PTPRE: variants seen among roughly 807,000 people sequenced by gnomAD.
The protein encoded by PTPRE is receptor-type tyrosine-protein phosphatase epsilon.
Under a neutral mutation model 102.0 loss-of-function variants are expected in PTPRE, and 51 were observed. The observed-to-expected ratio is 0.50, with a 90% confidence interval of 0.40 to 0.63. The LOEUF is 0.63. Among genes scored for constraint, PTPRE ranks in the 30% least tolerant of loss-of-function variants. The pLI, the probability that PTPRE is intolerant of heterozygous loss-of-function variation, is 0.00. For synonymous variants in PTPRE, 345 were observed against 348.2 expected (o/e 0.99, Z 0.10); for missense variants, 752 against 915.1 (o/e 0.82, Z 2.30).
chr10:127,960,167 G>A (rs1027364450), intron 1 of PTPRE, among the ~76,000 whole-genome samples: 1 of 152,204 alleles, frequency 6.6e-6, no homozygotes, highest in African/African-American at 2.4e-5. Context: ...AGGGACTCGA[G>A]ATCCTGTTGC....
chr10:128,041,798 A>G (rs1349848526), intron 3 of PTPRE, among the ~76,000 whole-genome samples: 1 of 151,940 alleles, frequency 6.6e-6, no homozygotes, highest in Non-Finnish European at 1.5e-5. Flanking sequence ...TCTGGGCTTT[A>G]TGCAGAAAAG....
chr10:128,030,487 C>T (rs970162632), intron 2 of PTPRE, among the ~76,000 whole-genome samples: 16 of 152,120 alleles, frequency 1.1e-4, no homozygotes, highest in Admixed American at 6.5e-5. Context: ...CTCCGTGGCC[C>T]GGGCCCTTCA....
At chr10:127,939,823 G>C (rs1848094582) in intron 1 of PTPRE, among the ~76,000 whole-genome samples, 1 of 151,914 alleles carries the variant, frequency 6.6e-6, no homozygotes, top group African/African-American at 2.4e-5. Flanking sequence ...GAGACAGGAA[G>C]AAGCAGGTGA....
chr10:128,048,264 C>G (rs1848262924), intron 5 of PTPRE, among the ~76,000 whole-genome samples: 1 of 152,216 alleles, frequency 6.6e-6, no homozygotes, highest in Non-Finnish European at 1.5e-5. Flanking sequence ...TACAGAGCAT[C>G]AGAGTCAGCT....
At chr10:128,064,631 C>A (rs547971669) in intron 10 of PTPRE, among the ~76,000 whole-genome samples, 102 of 152,334 alleles carry the variant, frequency 6.7e-4, no homozygotes, top group African/African-American at 2.2e-3. Flanking sequence ...GACGCCCTCA[C>A]TTCCCTCTTT....
At chr10:127,927,639 G>C (rs746563905) in intron 1 of PTPRE, among the ~76,000 whole-genome samples, 5 of 152,150 alleles carry the variant, frequency 3.3e-5, no homozygotes, top group Non-Finnish European at 5.9e-5. Context: ...TTCTGGAGGG[G>C]GTGCTGCCTG....
chr10:128,030,167 A>G (rs1846612799), intron 2 of PTPRE, among the ~76,000 whole-genome samples: 1 of 152,162 alleles, frequency 6.6e-6, no homozygotes, highest in Non-Finnish European at 1.5e-5. Flanking sequence ...TCCACTCAGC[A>G]AACACCACCG....
At position 127,907,316 on chromosome 10, in the gene PTPRE, GC is replaced by G. The variant is rs1374937274; in HGVS notation, c.-31+8del. 33 of 984,658 alleles carry G rather than the reference GC, an allele frequency of 3.4e-5. No homozygotes were observed. Among genetic ancestry groups the G allele is most frequent in the Non-Finnish European group, 3.7e-5 (31 of 829,742 alleles). The allele number at this position is 984,658 out of a possible 1,614,324, so 61.0% of individuals were successfully genotyped here. On this transcript the variant is annotated splice_region_variant and intron_variant, in intron 1 of 20. Transcript: ENST00000254667. This position sits in a 1 kb window ranked among gnomAD's most constrained non-coding sequence, Gnocchi z 4.8. ...CCAGACCGGCCCCCCCGAGGTGAGC[GC>G]GCGTGCGGACAGGGACCCTGCGCCC...
chr10:128,010,935 G>A (rs1367870874), intron 2 of PTPRE, among the ~76,000 whole-genome samples: 1 of 152,160 alleles, frequency 6.6e-6, no homozygotes, highest in Non-Finnish European at 1.5e-5. Flanking sequence ...TCCATTAAGC[G>A]GAAGGCAGGC....
At position 128,009,166 on chromosome 10, in the gene PTPRE, G is replaced by A. The variant is rs2135595988; in HGVS notation, c.-8+26870G>A. On this transcript the variant is annotated intron_variant, in intron 2 of 20. Transcript: ENST00000254667. ...ACTGTCCAGCAGCCTGCACATTCTGGAGGTTCATATCTTTGGGACTGAAAA... is the reference window on the plus strand; with the variant it reads ...ACTGTCCAGCAGCCTGCACATTCTGAAGGTTCATATCTTTGGGACTGAAAA... 2.6e-5 allele frequency among the ~76,000 whole-genome samples: 4 copies of A among 152,330 alleles called. No individual in the cohort carries two copies. In the Middle Eastern group the frequency reaches 0.014, roughly 518 times the overall value.
chr10:128,036,267 C>G (rs545319188), intron 2 of PTPRE, among the ~76,000 whole-genome samples: 3 of 152,208 alleles, frequency 2.0e-5, no homozygotes, highest in African/African-American at 7.2e-5. Flanking sequence ...CCCCAATAAC[C>G]CCCACAAGGA....
chr10:127,959,696 T>G (rs747571087), intron 1 of PTPRE, among the ~76,000 whole-genome samples: 46 of 152,232 alleles, frequency 3.0e-4, no homozygotes, highest in Admixed American at 9.2e-4. Context: ...GGCACAACTG[T>G]GGAGTCAGAC....
intron 1 of PTPRE, among the ~76,000 whole-genome samples, chr10:127,947,314 T>C (rs779451174): frequency 5.3e-5 from 8 of 152,230 alleles, no homozygotes; most frequent in Non-Finnish European, 8.8e-5. Context: ...TTATCTAAAG[T>C]GAGCCAGATT....
rs543553193 is a variant in PTPRE at position 128,016,889 on chromosome 10, G to A, written c.-7-23986G>A. Among the ~76,000 whole-genome samples the A allele has an allele frequency of 7.9e-5, 12 of 152,330 alleles. No homozygotes were observed. In the East Asian group the frequency reaches 9.6e-4, roughly 12 times the overall value. On this transcript the variant is annotated intron_variant, in intron 2 of 20. Transcript: ENST00000254667. ...CTGTGGCCGCTGTGGAGCCGGTGCC[G>A]CCCTGGCCTTGGCTCCCTCTGCCCC...
At chr10:127,958,891 CTT>C (rs572936097) in intron 1 of PTPRE, among the ~76,000 whole-genome samples, 106 of 120,848 alleles carry the variant, frequency 8.8e-4, no homozygotes, top group Middle Eastern at 5.5e-3. Context: ...TTCAACTTGC[CTT>C]TTTTTTTTTT....
Position 128,072,170 on chromosome 10 carries a change from A to C in PTPRE, c.1420A>C (p.Arg474=). The change falls in exon 16 of 21, where the codon AGG becomes CGG. Residue 474 remains arginine, a synonymous_variant. Coordinates refer to ENST00000254667, the MANE Select transcript of PTPRE (RefSeq NM_006504.6). The stretch of plus-strand genomic sequence containing the variant: ...CAACCGAGTGATCCTTTCCATGAAA[A>C]GGGGTCAAGAATACACAGACTACAT... ...DFNRVILSMK[R]GQEYTDYINA... 3.1e-6 allele frequency: 5 copies of C among 1,614,012 alleles called. No homozygotes were observed. The highest frequency in any genetic ancestry group is 4.2e-6 in the Non-Finnish European group (5 of 1,179,916).
At chr10:127,976,033 C>G (rs1053120167) in intron 1 of PTPRE, among the ~76,000 whole-genome samples, 1 of 152,130 alleles carries the variant, frequency 6.6e-6, no homozygotes, top group Non-Finnish European at 1.5e-5. Flanking sequence ...CCTGTCCTTA[C>G]AGTGGCTGTT....
intron 2 of PTPRE, among the ~76,000 whole-genome samples, chr10:127,997,708 A>G (rs754735100): frequency 2.0e-5 from 3 of 152,230 alleles, no homozygotes; most frequent in Non-Finnish European, 4.4e-5. Flanking sequence ...AGTTCAAATG[A>G]ATGTGAACTA....
chr10:127,964,328 C>T (rs1427955837), intron 1 of PTPRE, among the ~76,000 whole-genome samples: 1 of 152,062 alleles, frequency 6.6e-6, no homozygotes, highest in Non-Finnish European at 1.5e-5. Flanking sequence ...CACCACCGCG[C>T]CCAGCTAGTT....
Sources: gnomAD v4.1 joint callset for allele counts (sites outside exome capture counted in the v4.1 genomes callset) on GRCh38, gnomAD v4.1.1 for gene constraint, Gnocchi (gnomAD v3.1) non-coding constraint, MANE v1.5 for transcripts, NCBI Gene and HGNC (gene_info 2026-07-23, HGNC 2026-07-21) for gene names.